The following HS3ST5 variants were observed in gnomAD, a reference collection of about 807,000 sequenced individuals.
HS3ST5 encodes heparan sulfate glucosamine 3-O-sulfotransferase 5.
HS3ST5 carries 10 observed loss-of-function variants against 25.4 expected under a neutral mutation model. The observed-to-expected ratio is 0.39, with a 90% CI of 0.24 to 0.67. The LOEUF (loss-of-function observed/expected upper bound fraction) is 0.67. Among genes scored for constraint, HS3ST5 ranks in the 30% least tolerant of loss-of-function variants. The probability of loss-of-function intolerance (pLI) is 0.44; values close to 1 mark genes in which losing one functional copy is unlikely to be tolerated. For synonymous variants in HS3ST5, 170 were observed against 162.4 expected, an observed-to-expected ratio of 1.05 and a Z score of -0.36; for missense variants, 324 against 420.7, an observed-to-expected ratio of 0.77 and a Z score of 2.01.
intron 1 of HS3ST5, among the ~76,000 whole-genome samples, chr6:114,265,636 C>T (rs1201677372): frequency 2.0e-5 from 3 of 152,142 alleles, no homozygotes; most frequent in Non-Finnish European, 4.4e-5. Flanking sequence ...AAAGGATGGA[C>T]TCCTGTGAAA....
intron 3 of HS3ST5, among the ~76,000 whole-genome samples, chr6:114,066,993 TTAA>T (rs1773488679): frequency 6.6e-6 from 1 of 152,208 alleles, no homozygotes; most frequent in Non-Finnish European, 1.5e-5. Flanking sequence ...TCTCACCCTC[TTAA>T]GTCACTCACT....
intron 1 of HS3ST5, among the ~76,000 whole-genome samples, chr6:114,263,196 T>C (rs967405672): frequency 3.9e-5 from 6 of 152,176 alleles, no homozygotes; most frequent in African/African-American, 1.4e-4. Context: ...TAATAATTAT[T>C]AAAATTAGCA....
At chr6:114,058,905 T>G (rs1379938865) in intron 4 of HS3ST5, 1 of 152,230 alleles carries the variant, frequency 6.6e-6, no homozygotes, top group Non-Finnish European at 1.5e-5. Context: ...CATCAGCAAG[T>G]GCTGTATATC....
At chr6:114,179,557 T>C (rs1409853245) in intron 2 of HS3ST5, among the ~76,000 whole-genome samples, 1 of 152,136 alleles carries the variant, frequency 6.6e-6, no homozygotes, top group Non-Finnish European at 1.5e-5. Flanking sequence ...TGCTAAATAC[T>C]GGTTCAATAC....
At chr6:114,297,385 AC>A (rs2114795986) in intron 1 of HS3ST5, among the ~76,000 whole-genome samples, 1 of 152,248 alleles carries the variant, frequency 6.6e-6, no homozygotes, top group African/African-American at 2.4e-5. Flanking sequence ...CTGTAGATGC[AC>A]CCAGCCAAGC....
rs539844842 is a variant in HS3ST5, at chr6:114,285,131, C to T, written c.-338-56353G>A. 5.4e-4 allele frequency among the ~76,000 whole-genome samples: 82 copies of T among 152,168 alleles called. 1 individual carries two copies. The highest frequency in any genetic ancestry group is 1.8e-3 in the African/African-American group (76 of 41,508). On this transcript the variant is annotated intron_variant, in intron 1 of 4. Coordinates refer to ENST00000312719, the MANE Select transcript of HS3ST5 (RefSeq NM_153612.4). ...TATTAGCATTGGATGTTCACTGCAG[C>T]ATTATCACAATAGCCAAAATGTGGA...
chr6:114,149,303 T>C (rs1778333251), intron 3 of HS3ST5, among the ~76,000 whole-genome samples: 1 of 152,176 alleles, frequency 6.6e-6, no homozygotes, highest in Admixed American at 6.5e-5. Flanking sequence ...GAAGCACTAT[T>C]TACAATAGCA....
intron 1 of HS3ST5, among the ~76,000 whole-genome samples, chr6:114,300,940 AG>A (rs773679776): frequency 3.3e-5 from 5 of 152,220 alleles, no homozygotes; most frequent in Non-Finnish European, 5.9e-5. Context: ...TAAAATGCTC[AG>A]AATAGGAAAA....
intron 3 of HS3ST5, among the ~76,000 whole-genome samples, chr6:114,108,179 C>T (rs1776085221): frequency 6.6e-6 from 1 of 152,092 alleles, no homozygotes; most frequent in African/African-American, 2.4e-5. Flanking sequence ...CTAACTATAA[C>T]AAGGGATTGG....
At chr6:114,300,359 C>T (rs1775021260) in intron 1 of HS3ST5, among the ~76,000 whole-genome samples, 1 of 152,086 alleles carries the variant, frequency 6.6e-6, no homozygotes, top group African/African-American at 2.4e-5. Flanking sequence ...TAGACATTTT[C>T]TCCAAAGAAG....
At chr6:114,098,671 G>A (rs531214801) in intron 3 of HS3ST5, among the ~76,000 whole-genome samples, 153 of 151,612 alleles carry the variant, frequency 1.0e-3, no homozygotes, top group Middle Eastern at 3.4e-3. Flanking sequence ...TATATAAACC[G>A]TAAGAAGAAA....
intron 3 of HS3ST5, among the ~76,000 whole-genome samples, chr6:114,086,861 T>C (rs1032596534): frequency 1.3e-5 from 2 of 152,188 alleles, no homozygotes; most frequent in Non-Finnish European, 2.9e-5. Context: ...GATAATGCAA[T>C]TGAGTTTGCT....
intron 1 of HS3ST5, among the ~76,000 whole-genome samples, chr6:114,293,292 A>G (rs1774664641): frequency 6.6e-6 from 1 of 152,186 alleles, no homozygotes. Flanking sequence ...CTGGTTCTCT[A>G]TGACTATAAC....
At chr6:114,115,563 C>G (rs774210486) in intron 3 of HS3ST5, among the ~76,000 whole-genome samples, 1 of 151,420 alleles carries the variant, frequency 6.6e-6, no homozygotes, top group Non-Finnish European at 1.5e-5. Context: ...CCCACTGGCC[C>G]GAAAATCTTG....
chr6:114,331,272 T>C (rs1164247890), intron 1 of HS3ST5, among the ~76,000 whole-genome samples: 2 of 152,164 alleles, frequency 1.3e-5, no homozygotes, highest in African/African-American at 4.8e-5. Context: ...CAGGATATAG[T>C]TACATCTTCA....
chr6:114,240,130 C>G (rs1170097709), intron 1 of HS3ST5, among the ~76,000 whole-genome samples: 1 of 152,110 alleles, frequency 6.6e-6, no homozygotes, highest in Non-Finnish European at 1.5e-5. Context: ...CAGGACCATT[C>G]TCTGTCTCTG....
chr6:114,085,472 TG>T (rs1453304089), intron 3 of HS3ST5, among the ~76,000 whole-genome samples: 6 of 152,186 alleles, frequency 3.9e-5, no homozygotes, highest in Non-Finnish European at 8.8e-5. Flanking sequence ...TCAATTTGCT[TG>T]TGAAATATCA....
intron 1 of HS3ST5, among the ~76,000 whole-genome samples, chr6:114,291,257 A>G (rs1774565535): frequency 6.6e-6 from 1 of 152,128 alleles, no homozygotes. Context: ...CAGACACACA[A>G]CTATGTGCAT....
Position 114,079,879 on chromosome 6 carries a change from G to T in HS3ST5, c.-32-17002C>A, listed in dbSNP as rs138835602. 2.6e-3 allele frequency among the ~76,000 whole-genome samples: 401 copies of T among 152,166 alleles called. 3 individuals are homozygous for T. Among genetic ancestry groups the T allele is most frequent in the African/African-American group, 9.4e-3 (390 of 41,518 alleles). ...CTCCACCTACCTCCTGGGTTCAAGCGATTCTCCTGCCTTAGCCTCCCAAAT... is the reference window on the plus strand; with the variant it reads ...CTCCACCTACCTCCTGGGTTCAAGCTATTCTCCTGCCTTAGCCTCCCAAAT... On this transcript the variant is annotated intron_variant, in intron 3 of 4. Transcript: ENST00000312719.
Sources: allele counts gnomAD v4.1 joint callset (sites outside exome capture counted in the v4.1 genomes callset), GRCh38; gene constraint gnomAD v4.1.1; transcripts MANE v1.5; gene names NCBI Gene and HGNC (gene_info 2026-07-23, HGNC 2026-07-21).